PCDHGA3: variants seen among roughly 807,000 people sequenced by gnomAD.
The protein encoded by PCDHGA3 is protocadherin gamma subfamily A, 3.
In PCDHGA3, 40 loss-of-function variants were observed where a neutral mutation model predicts 58.5. The observed-to-expected ratio is 0.68, with a 90% CI of 0.53 to 0.89. The LOEUF is 0.89. Among genes scored for constraint, PCDHGA3 ranks in the 40% least tolerant of loss-of-function variants. The pLI, the probability that PCDHGA3 is intolerant of heterozygous loss-of-function variation, is 0.00. For synonymous variants in PCDHGA3, 530 were observed against 525.7 expected, an observed-to-expected ratio of 1.01 and a Z score of -0.11; for missense variants, 1,223 against 1,195.9, an observed-to-expected ratio of 1.02 and a Z score of -0.33.
At chr5:141,371,459 T>C in intron 1 of PCDHGA3, 1 of 1,613,970 alleles carries the variant, frequency 6.2e-7, no homozygotes, top group Non-Finnish European at 8.5e-7. Context: ...AATCCCAACA[T>C]ATACAAGAAG....
intron 1 of PCDHGA3, among the ~76,000 whole-genome samples, chr5:141,469,859 A>C (rs2099213257): frequency 6.6e-6 from 1 of 152,080 alleles, no homozygotes; most frequent in Non-Finnish European, 1.5e-5. Context: ...GACCGGGTGC[A>C]ATGGCTCACG....
Position 141,346,128 on chromosome 5 carries a change from G to C in PCDHGA3, c.2095G>C (p.Ala699Pro), listed in dbSNP as rs563631055. Residue 699 changes from alanine to proline, a missense_variant, in exon 1 of 4, where the codon GCG (alanine) becomes CCG (proline). Physicochemically the swap from Ala to Pro is conservative, Grantham distance 27 (BLOSUM62 -1). This residue lies in a region of PCDHGA3 where 325 missense variants were observed against 327.5 expected (regional missense o/e 0.99). Coordinates refer to ENST00000253812, the MANE Select transcript of PCDHGA3 (RefSeq NM_018916.4). ...TCTGTACCTGGTGGTGGCGGTGGCC[G>C]CGGTCTCCTGCGTCTTCCTGGCCTT... ...LTLYLVVAVA[A>P]VSCVFLAFVI... The C allele has an allele frequency of 6.2e-7, 1 of 1,613,952 alleles. No individual in the cohort carries two copies. Among genetic ancestry groups the C allele is most frequent in the South Asian group, 1.1e-5 (1 of 91,064 alleles).
intron 1 of PCDHGA3, among the ~76,000 whole-genome samples, chr5:141,354,350 A>G (rs1056084441): frequency 2.0e-5 from 3 of 152,246 alleles, no homozygotes; most frequent in African/African-American, 7.2e-5. Context: ...AAGATTGAGA[A>G]CACATTGTGA....
At chr5:141,415,740 GTTTTTTTTTTTTT>G (rs57426385) in intron 1 of PCDHGA3, 160 of 625,000 alleles carry the variant, frequency 2.6e-4, no homozygotes, top group Middle Eastern at 1.1e-3. Context: ...GTTTATTAAG[GTTTTTTTTTTTTT>G]TTTTTTTTTT....
At chr5:141,399,593 C>T in intron 1 of PCDHGA3, 1 of 1,613,988 alleles carries the variant, frequency 6.2e-7, no homozygotes, top group Non-Finnish European at 8.5e-7. Flanking sequence ...TCTATCATGG[C>T]CAGCGACCTA....
rs752984415 is a variant in PCDHGA3, at chr5:141,360,537, A to G, written c.2424+14080A>G. 29 of 1,614,000 alleles carry G rather than the reference A, an allele frequency of 1.8e-5. 1 individual carries two copies. The South Asian group carries it at 2.9e-4, about 16-fold the overall frequency. On this transcript the variant is annotated intron_variant, in intron 1 of 3. Transcript: ENST00000253812. ...TAAATGATAATACCCCGCTATTCAA[A>G]CAGACTAAGATTAATTTAAAAATTG...
chr5:141,354,988 A>G (rs1434230947), intron 1 of PCDHGA3: 4 of 629,658 alleles, frequency 6.4e-6, no homozygotes, highest in Non-Finnish European at 9.8e-6. Flanking sequence ...CTGTTCACCA[A>G]TCAGGGGGAA....
At chr5:141,478,639 A>G (rs377308663) in intron 1 of PCDHGA3, 168 of 1,552,322 alleles carry the variant, frequency 1.1e-4, no homozygotes, top group Non-Finnish European at 1.0e-4. Context: ...TTAGTGATGA[A>G]GATGTTTTCC....
intron 1 of PCDHGA3, chr5:141,389,969 C>G: frequency 6.2e-7 from 1 of 1,614,042 alleles, no homozygotes; most frequent in Non-Finnish European, 8.5e-7. Context: ...TGGCCTTGGC[C>G]TTGATCTCAG....
At chr5:141,393,167 G>A (rs889451396) in intron 1 of PCDHGA3, 9 of 1,613,166 alleles carry the variant, frequency 5.6e-6, no homozygotes, top group Non-Finnish European at 7.6e-6. Flanking sequence ...AACTCTTTGG[G>A]GTAGAAATAG....
At position 141,486,706 on chromosome 5, in the gene PCDHGA3, C is replaced by G; in HGVS notation, c.2425-8101C>G. 6.2e-7 allele frequency: 1 copy of G among 1,614,154 alleles called. No homozygotes were observed. Among genetic ancestry groups the G allele is most frequent in the Non-Finnish European group, 8.5e-7 (1 of 1,180,024 alleles). ...CAGCTTCCTCTTTCATCTCTCTGAA[C>G]CCCCAGACAGGAGCTGTTCATGCTA... On this transcript the variant is annotated intron_variant, in intron 1 of 3. Coordinates refer to ENST00000253812, the MANE Select transcript of PCDHGA3 (RefSeq NM_018916.4). This position sits in a 1 kb window ranked among gnomAD's most constrained non-coding sequence, Gnocchi z 5.0.
At position 141,491,733 on chromosome 5, in the gene PCDHGA3, TGGGGGCGGCAC is replaced by T; in HGVS notation, c.2425-3073_2425-3063del. 1.9e-6 allele frequency: 3 copies of T among 1,602,698 alleles called. No individual in the cohort carries two copies. The highest frequency in any genetic ancestry group is 2.6e-6 in the Non-Finnish European group (3 of 1,175,258). On this transcript the variant is annotated intron_variant, in intron 1 of 3. Coordinates refer to ENST00000253812, the MANE Select transcript of PCDHGA3 (RefSeq NM_018916.4). The surrounding 1 kb of genome is among the most constrained non-coding windows in gnomAD (Gnocchi z 6.9). ...GCTCGGCGCCGCCCCGGGCGACCCC[TGGGGGCGGCAC>T]TGGAGAAGCCGCCCGTCCTCATAAG...
Position 141,487,491 on chromosome 5 carries a change from C to T in PCDHGA3, c.2425-7316C>T. ...GTGGGAGGCCACTCTCATGGCTGTA[C>T]ACCCTTGGCTTCTGCACCCACTCGG... is the stretch of plus-strand genomic sequence containing the variant. On this transcript the variant is annotated intron_variant, in intron 1 of 3. Transcript: ENST00000253812. This position sits in a 1 kb window ranked among gnomAD's most constrained non-coding sequence, Gnocchi z 5.0. 6.2e-7 allele frequency: 1 copy of T among 1,614,204 alleles called. No individual in the cohort carries two copies. Among genetic ancestry groups the T allele is most frequent in the Non-Finnish European group, 8.5e-7 (1 of 1,180,034 alleles).
chr5:141,351,648 C>T, intron 1 of PCDHGA3: 1 of 1,614,042 alleles, frequency 6.2e-7, no homozygotes, highest in South Asian at 1.1e-5. Flanking sequence ...AACAACCCAC[C>T]TGGCGCCTCC....
At position 141,366,371 on chromosome 5, in the gene PCDHGA3, C is replaced by T. The variant is rs780787385; in HGVS notation, c.2424+19914C>T. 2.2e-5 allele frequency: 35 copies of T among 1,613,992 alleles called. No individual in the cohort carries two copies. In the South Asian group the frequency reaches 3.4e-4, roughly 16 times the overall value. Reference sequence around the variant, plus strand: ...GGCTGACCTAGGCAGTATCAAGACCCCCATTGACCCTGAGGATCTGGACCT... The same window carrying T: ...GGCTGACCTAGGCAGTATCAAGACCTCCATTGACCCTGAGGATCTGGACCT... On this transcript the variant is annotated intron_variant, in intron 1 of 3. Coordinates refer to ENST00000253812, the MANE Select transcript of PCDHGA3 (RefSeq NM_018916.4).
At position 141,366,307 on chromosome 5, in the gene PCDHGA3, G is replaced by A. The variant is rs539472764; in HGVS notation, c.2424+19850G>A. 6.3e-5 allele frequency: 101 copies of A among 1,613,748 alleles called. 2 individuals carry two copies. In the South Asian group the frequency reaches 9.7e-4, roughly 15 times the overall value. On this transcript the variant is annotated intron_variant, in intron 1 of 3. Coordinates refer to ENST00000253812, the MANE Select transcript of PCDHGA3 (RefSeq NM_018916.4). ...AGCCCCCTCTGTCAGCCACCTTCAC[G>A]GTCACCGTTGCCGTGGCCGACAGGA...
Position 141,476,437 on chromosome 5 carries a change from T to C in PCDHGA3, c.2425-18370T>C, listed in dbSNP as rs1260141259. The C allele has an allele frequency of 6.2e-7, 1 of 1,614,004 alleles. No homozygotes were observed. Among genetic ancestry groups the C allele is most frequent in the East Asian group, 2.2e-5 (1 of 44,836 alleles). ...GGACACTGCCCTCTTGCACTGTAAC[T>C]CTGGAGTTGGTAGTGGAGAACCCGC... On this transcript the variant is annotated intron_variant, in intron 1 of 3. Transcript: ENST00000253812. This position sits in a 1 kb window ranked among gnomAD's most constrained non-coding sequence, Gnocchi z 7.6.
chr5:141,355,448 C>T (rs1370808610), intron 1 of PCDHGA3: 5 of 1,614,092 alleles, frequency 3.1e-6, no homozygotes, highest in South Asian at 1.1e-5. Flanking sequence ...CGCAGCGGCA[C>T]CTTGGTCACC....
intron 1 of PCDHGA3, chr5:141,399,895 G>A (rs570331620): frequency 6.2e-7 from 1 of 1,612,586 alleles, no homozygotes; most frequent in African/African-American, 1.3e-5. Flanking sequence ...GGTAGTGGCC[G>A]TGGACGCAGA....
Sources: gnomAD v4.1 joint callset for allele counts (sites outside exome capture counted in the v4.1 genomes callset) on GRCh38, gnomAD v4.1.1 for gene constraint, gnomAD v4.1.1 regional missense constraint, Gnocchi (gnomAD v3.1) non-coding constraint, MANE v1.5 for transcripts, NCBI Gene and HGNC (gene_info 2026-07-23, HGNC 2026-07-21) for gene names.